LSAMP: variants seen among roughly 807,000 people sequenced by gnomAD.
The protein encoded by LSAMP is limbic system associated membrane protein, also known as limbic system-associated membrane protein.
In LSAMP, 7 loss-of-function variants were observed where a neutral mutation model predicts 38.6. That is an observed-to-expected ratio of 0.18 (90% confidence interval 0.10 to 0.34). The LOEUF is 0.34. LSAMP is among the 10% of genes least tolerant of loss of function. LSAMP has a pLI of 1.00. For synonymous variants in LSAMP, 154 were observed against 166.8 expected (o/e 0.92, Z 0.59); for missense variants, 313 against 420.0 (o/e 0.75, Z 2.23).
chr3:116,070,965 T>C (rs1480066512), intron 2 of LSAMP, among the ~76,000 whole-genome samples: 1 of 151,292 alleles, frequency 6.6e-6, no homozygotes, highest in African/African-American at 2.4e-5. Flanking sequence ...GCTTGAACCC[T>C]GGAGGTGGAG....
intron 3 of LSAMP, among the ~76,000 whole-genome samples, chr3:115,922,462 T>C (rs577740998): frequency 8.5e-4 from 130 of 152,328 alleles, no homozygotes; most frequent in African/African-American, 3.0e-3. Context: ...CATTCTCATT[T>C]TGTTCATCAT....
intron 1 of LSAMP, among the ~76,000 whole-genome samples, chr3:116,325,722 G>A (rs188448373): frequency 6.6e-6 from 1 of 151,998 alleles, no homozygotes; most frequent in Admixed American, 6.6e-5. Flanking sequence ...AGAGTTTTAG[G>A]GTTTAAGTAA....
intron 1 of LSAMP, among the ~76,000 whole-genome samples, chr3:116,155,256 C>A (rs752260706): frequency 2.6e-5 from 4 of 151,866 alleles, no homozygotes; most frequent in Non-Finnish European, 4.4e-5. Context: ...CAGAGTTTTG[C>A]TCTTGTTGCC....
chr3:116,000,446 A>T (rs372901616), intron 3 of LSAMP, among the ~76,000 whole-genome samples: 1 of 152,212 alleles, frequency 6.6e-6, no homozygotes, highest in Non-Finnish European at 1.5e-5. Context: ...ATGAATCAGC[A>T]GCTGTACCTC....
chr3:115,977,729 C>CAAAA (rs56833385), intron 3 of LSAMP, among the ~76,000 whole-genome samples: 318 of 129,744 alleles, frequency 2.5e-3, no homozygotes, highest in African/African-American at 4.4e-3. Flanking sequence ...AACAGAACAC[C>CAAAA]AAAAAAAAAA....
chr3:115,812,284 T>C (rs1933862521), intron 6 of LSAMP, among the ~76,000 whole-genome samples: 1 of 152,200 alleles, frequency 6.6e-6, no homozygotes, highest in Non-Finnish European at 1.5e-5. Flanking sequence ...ATTATCTGAT[T>C]TTCTGAATTG....
intron 3 of LSAMP, among the ~76,000 whole-genome samples, chr3:116,000,279 T>C (rs1437163011): frequency 5.3e-5 from 8 of 152,136 alleles, no homozygotes; most frequent in East Asian, 1.9e-4. Context: ...TCTCACTTAA[T>C]CATCACAACA....
chr3:116,096,132 A>T (rs1304388462), intron 1 of LSAMP, among the ~76,000 whole-genome samples: 1 of 152,192 alleles, frequency 6.6e-6, no homozygotes, highest in Non-Finnish European at 1.5e-5. Context: ...CAATGCCTGG[A>T]TCTAATGTGT....
intron 3 of LSAMP, among the ~76,000 whole-genome samples, chr3:115,993,428 C>T (rs1323460445): frequency 6.6e-6 from 1 of 152,030 alleles, no homozygotes; most frequent in Non-Finnish European, 1.5e-5. Context: ...GGAATCAATT[C>T]CTCAAAATTT....
intron 2 of LSAMP, among the ~76,000 whole-genome samples, chr3:116,060,075 TC>T (rs2107746441): frequency 6.6e-6 from 1 of 152,306 alleles, no homozygotes; most frequent in African/African-American, 2.4e-5. Flanking sequence ...CTTTGGGATT[TC>T]CTTTTCCTTT....
intron 1 of LSAMP, among the ~76,000 whole-genome samples, chr3:116,235,335 T>G (rs989525173): frequency 6.6e-6 from 1 of 152,156 alleles, no homozygotes; most frequent in Admixed American, 6.5e-5. Context: ...AGACTGGTCT[T>G]GAACTGCTGG....
intron 3 of LSAMP, among the ~76,000 whole-genome samples, chr3:115,922,858 C>T (rs768495661): frequency 3.9e-5 from 6 of 152,142 alleles, no homozygotes; most frequent in Non-Finnish European, 7.4e-5. Context: ...CTTCCTCCAT[C>T]TGGTGTCTGT....
intron 3 of LSAMP, among the ~76,000 whole-genome samples, chr3:115,862,575 G>C (rs1166619045): frequency 6.6e-6 from 1 of 152,136 alleles, no homozygotes; most frequent in African/African-American, 2.4e-5. Context: ...CAATACATAA[G>C]TAATGAAGAG....
chr3:115,978,273 G>A (rs2107622392), intron 3 of LSAMP, among the ~76,000 whole-genome samples: 1 of 152,122 alleles, frequency 6.6e-6, no homozygotes, highest in African/African-American at 2.4e-5. Context: ...GGTAATATAT[G>A]GATCTACTTA....
chr3:115,841,605 A>G (rs1298609131), intron 6 of LSAMP: 2 of 382,830 alleles, frequency 5.2e-6, no homozygotes, highest in East Asian at 4.2e-5. Flanking sequence ...AAAAAACAAA[A>G]ACGAAGAAAA....
intron 1 of LSAMP, chr3:116,368,127 T>C (rs764273718): frequency 6.6e-5 from 10 of 152,208 alleles, no homozygotes; most frequent in Non-Finnish European, 1.2e-4. Flanking sequence ...AATAATATTT[T>C]TCATGTAATT....
At chr3:115,863,954 T>C (rs1935784998) in intron 3 of LSAMP, among the ~76,000 whole-genome samples, 1 of 152,144 alleles carries the variant, frequency 6.6e-6, no homozygotes, top group Non-Finnish European at 1.5e-5. Flanking sequence ...AATAAGCAAG[T>C]TGATATTATA....
At chr3:116,163,073 T>A (rs2107541468) in intron 1 of LSAMP, among the ~76,000 whole-genome samples, 1 of 152,176 alleles carries the variant, frequency 6.6e-6, no homozygotes, top group South Asian at 2.1e-4. Flanking sequence ...ATCTTTTTTT[T>A]TAAATTTTAT....
intron 4 of LSAMP, among the ~76,000 whole-genome samples, chr3:115,846,029 A>AT (rs367852322): frequency 6.6e-6 from 1 of 152,128 alleles, no homozygotes; most frequent in African/African-American, 2.4e-5. Context: ...GTGCAAGTTT[A>AT]TTTTTTCATG....
Sources: gnomAD v4.1 joint callset for allele counts (sites outside exome capture counted in the v4.1 genomes callset) on GRCh38, gnomAD v4.1.1 for gene constraint, MANE v1.5 for transcripts, NCBI Gene and HGNC (gene_info 2026-07-23, HGNC 2026-07-21) for gene names.